SPMIP2: variants seen among roughly 807,000 people sequenced by gnomAD.
SPMIP2 encodes the protein protein SPMIP2.
chr4:158,967,127 T>C, the SPMIP2 span, among the ~76,000 whole-genome samples: 1 of 152,242 alleles, frequency 6.6e-6, no homozygotes, highest in African/African-American at 2.4e-5. Flanking sequence ...ACATAAAATT[T>C]ATTTTCTGGA....
At chr4:159,014,149 T>C in the SPMIP2 span, among the ~76,000 whole-genome samples, 2 of 152,166 alleles carry the variant, frequency 1.3e-5, no homozygotes, top group Non-Finnish European at 2.9e-5. Context: ...CATTAAACCA[T>C]TCATGTTTTA....
the SPMIP2 span, among the ~76,000 whole-genome samples, chr4:158,972,351 GACC>G: frequency 6.6e-6 from 1 of 152,206 alleles, no homozygotes; most frequent in Admixed American, 6.6e-5. Context: ...GGCAGAGTGA[GACC>G]CTGTCTCTAA....
At chr4:158,921,827 A>G in the SPMIP2 span, among the ~76,000 whole-genome samples, 1 of 151,612 alleles carries the variant, frequency 6.6e-6, no homozygotes, top group Non-Finnish European at 1.5e-5. Flanking sequence ...CTCCCTTGCC[A>G]TATTTGTAAA....
At chr4:158,996,965 C>A in the SPMIP2 span, among the ~76,000 whole-genome samples, 2 of 152,130 alleles carry the variant, frequency 1.3e-5, no homozygotes, top group Admixed American at 1.3e-4. Flanking sequence ...GGGTAGACAC[C>A]CAAATAAAAT....
At chr4:158,985,222 C>T in the SPMIP2 span, among the ~76,000 whole-genome samples, 4 of 144,940 alleles carry the variant, frequency 2.8e-5, no homozygotes, top group Non-Finnish European at 4.5e-5. Context: ...GAACTGGTAC[C>T]ATTCCTTCTG....
the SPMIP2 span, among the ~76,000 whole-genome samples, chr4:158,980,890 G>A: frequency 6.6e-6 from 1 of 152,088 alleles, no homozygotes; most frequent in Non-Finnish European, 1.5e-5. Flanking sequence ...GGCCTCAAAG[G>A]GTGAGTAATA....
chr4:158,981,665 T>C, the SPMIP2 span, among the ~76,000 whole-genome samples: 2 of 152,080 alleles, frequency 1.3e-5, no homozygotes, highest in African/African-American at 4.8e-5. Flanking sequence ...CTGAGGGATT[T>C]TGTCACCACC....
chr4:158,947,392 CA>C, the SPMIP2 span, among the ~76,000 whole-genome samples: 1 of 152,192 alleles, frequency 6.6e-6, no homozygotes, highest in African/African-American at 2.4e-5. Flanking sequence ...CAATTTTCTA[CA>C]CACCACCCAA....
At chr4:158,933,293 T>A in the SPMIP2 span, among the ~76,000 whole-genome samples, 3 of 152,186 alleles carry the variant, frequency 2.0e-5, no homozygotes, top group Non-Finnish European at 4.4e-5. Context: ...GTGCCTCCAG[T>A]GTTTTCAAAA....
chr4:159,067,576 A>G, the SPMIP2 span, among the ~76,000 whole-genome samples: 1 of 152,222 alleles, frequency 6.6e-6, no homozygotes, highest in Non-Finnish European at 1.5e-5. Flanking sequence ...AATTGAAATT[A>G]AGTATCAATA....
chr4:159,045,945 G>A, the SPMIP2 span, among the ~76,000 whole-genome samples: 1 of 152,166 alleles, frequency 6.6e-6, no homozygotes, highest in Non-Finnish European at 1.5e-5. Context: ...TCTCCATAGA[G>A]CAGTTCAAAA....
the SPMIP2 span, among the ~76,000 whole-genome samples, chr4:158,928,152 G>A: frequency 1.3e-5 from 2 of 152,242 alleles, no homozygotes; most frequent in Non-Finnish European, 2.9e-5. Flanking sequence ...ACTGGATGAA[G>A]CCAGCTGGGC....
chr4:158,975,229 T>G, the SPMIP2 span, among the ~76,000 whole-genome samples: 2 of 151,712 alleles, frequency 1.3e-5, no homozygotes, highest in East Asian at 3.9e-4. Flanking sequence ...TGCAAAAATT[T>G]TCTCCCGTTC....
the SPMIP2 span, among the ~76,000 whole-genome samples, chr4:158,996,193 C>T: frequency 6.6e-6 from 1 of 152,248 alleles, no homozygotes; most frequent in African/African-American, 2.4e-5. Context: ...TGTAGTTTTC[C>T]TGTCAAGTAG....
At chr4:158,911,339 C>G in the SPMIP2 span, among the ~76,000 whole-genome samples, 1 of 99,066 alleles carries the variant, frequency 1.0e-5, no homozygotes, top group Non-Finnish European at 2.2e-5. Flanking sequence ...CAGAGCGAGA[C>G]TCCGTCTCAA....
At chr4:159,013,807 A>AATGAAGCTTGAGGACATAATATT in the SPMIP2 span, among the ~76,000 whole-genome samples, 37 of 151,032 alleles carry the variant, frequency 2.4e-4, no homozygotes, top group East Asian at 7.8e-4. Flanking sequence ...CTGTGATATA[A>AATGAAGCTTGAGGACATAATATT]ATGAAGCTTG....
At chr4:159,039,852 G>A in the SPMIP2 span, among the ~76,000 whole-genome samples, 2 of 152,214 alleles carry the variant, frequency 1.3e-5, no homozygotes, top group Non-Finnish European at 2.9e-5. Flanking sequence ...TTACAACTTG[G>A]AGGCCAATGC....
chr4:158,952,849 G>T, the SPMIP2 span, among the ~76,000 whole-genome samples: 1 of 152,198 alleles, frequency 6.6e-6, no homozygotes, highest in Non-Finnish European at 1.5e-5. Context: ...GAGACTGGTG[G>T]CATTTTGCCC....
the SPMIP2 span, among the ~76,000 whole-genome samples, chr4:159,081,185 G>A: frequency 6.6e-6 from 1 of 151,874 alleles, no homozygotes; most frequent in Non-Finnish European, 1.5e-5. Flanking sequence ...TTACAGGTGC[G>A]CACCACTGCA....
Sources: gnomAD v4.1 joint callset for allele counts (sites outside exome capture counted in the v4.1 genomes callset) on GRCh38, gnomAD v4.1.1 for gene constraint, MANE v1.5 for transcripts, NCBI Gene and HGNC (gene_info 2026-07-23, HGNC 2026-07-21) for gene names.